Variants in C1orf167 observed in about 807,000 individuals in gnomAD.
The protein encoded by C1orf167 is chromosome 1 open reading frame 167.
Under a neutral mutation model 176.5 loss-of-function variants are expected in C1orf167, and 153 were observed. That is an observed-to-expected ratio of 0.87 (90% CI 0.76 to 0.99). C1orf167 has a LOEUF of 0.99. Ranked by LOEUF, C1orf167 falls within the 50% of genes least tolerant of loss-of-function variation. The pLI, the probability that C1orf167 is intolerant of heterozygous loss-of-function variation, is 0.00. For missense variants in C1orf167, 1,490 were observed against 1,817.7 expected (o/e 0.82, Z 3.28); for synonymous variants, 594 against 752.7 (o/e 0.79, Z 3.45).
chr1:11,786,641 A>G (rs1193240003), intron 16 of C1orf167: 1 of 144,736 alleles, frequency 6.9e-6, no homozygotes, highest in African/African-American at 2.6e-5. Context: ...GGATCTCACT[A>G]TGTTGCCAGG....
chr1:11,784,522 G>A lies in C1orf167; in HGVS notation c.3354G>A (p.Trp1118Ter). 7.7e-7 allele frequency: 1 copy of A among 1,301,350 alleles called. No homozygotes were observed. 80.6% of individuals were successfully genotyped at this position (1,301,350 alleles called of 1,614,324 possible). ...CAGCCCAGTGCTGGACTTGGTGCTG[G>A]GCTCTGTGGGTGCATGAGTCCTGTC... ...AQAAQCWTWC[W>*]ALWVHESCRG... Residue 1118 changes from tryptophan to a stop codon, truncating the protein, a stop_gained, in exon 15 of 21, where the codon TGG (tryptophan) becomes TGA (stop). Coordinates refer to ENST00000688073, the MANE Select transcript of C1orf167 (RefSeq NM_001010881.2). LOFTEE classifies it high-confidence loss of function.
At chr1:11,769,998 G>C (rs563883726) in intron 6 of C1orf167, among the ~76,000 whole-genome samples, 27 of 152,168 alleles carry the variant, frequency 1.8e-4, no homozygotes, top group African/African-American at 6.3e-4. Flanking sequence ...AATCATAGCA[G>C]TAATGCATGC....
chr1:11,769,859 G>C (rs1033894268), intron 6 of C1orf167, among the ~76,000 whole-genome samples: 9 of 151,964 alleles, frequency 5.9e-5, no homozygotes, highest in Admixed American at 5.2e-4. Context: ...TTTTAGTAGA[G>C]ACGGGGTTTC....
Position 11,764,404 on chromosome 1 carries a change from G to C in C1orf167, c.4G>C (p.Glu2Gln). 1 of 1,289,410 alleles carries C rather than the reference G, an allele frequency of 7.8e-7. No individual in the cohort carries two copies. Among genetic ancestry groups the C allele is most frequent in the Non-Finnish European group, 1.0e-6 (1 of 988,868 alleles). The allele number at this position is 1,289,410 out of a possible 1,614,324, so 79.9% of individuals were successfully genotyped here. A position where few individuals can be genotyped will look rare whatever the true frequency, so the allele number is the denominator to read the frequency against. M[E>Q]LRSDASHKEN... ...GGATACTCCTGTCCCTGAGCCCATG[G>C]AGCTAAGGTCTGATGCCAGCCACAA... Residue 2 changes from glutamate (E) to glutamine (Q), a missense_variant, in exon 2 of 21, where the codon GAG becomes CAG. Transcript: ENST00000688073.
intron 19 of C1orf167, 111 bp from the exon 20 acceptor site, chr1:11,788,541 G>T: frequency 8.8e-7 from 1 of 1,131,486 alleles, no homozygotes. Flanking sequence ...ACACCCCCTT[G>T]CCATAGCCCT....
chr1:11,787,416 A>G lies in C1orf167; in HGVS notation c.3596A>G (p.Glu1199Gly). 7.7e-7 allele frequency: 1 copy of G among 1,302,798 alleles called. No homozygotes were observed. The highest frequency in any genetic ancestry group is 1.0e-6 in the Non-Finnish European group (1 of 988,374). The allele number at this position is 1,302,798 out of a possible 1,614,324, so 80.7% of individuals were successfully genotyped here. A position where few individuals can be genotyped will look rare whatever the true frequency, so the allele number is the denominator to read the frequency against. ...CGCAGCTGCTGGACACAGGCCACAG[A>G]GCTGGTGCCTCCCGCGCCATCACTG... ...KTRSCWTQAT[E>G]LVPPAPSLQC... Residue 1199 changes from glutamate (E) to glycine (G), a missense_variant, in exon 17 of 21, where the codon GAG becomes GGG. By Grantham distance (98) the Glu-to-Gly change is moderately conservative. Transcript: ENST00000688073.
intron 1 of C1orf167, among the ~76,000 whole-genome samples, chr1:11,763,617 T>G (rs574575717): frequency 5.3e-5 from 8 of 152,346 alleles, no homozygotes; most frequent in Admixed American, 5.2e-4. Flanking sequence ...GCCTACAGCC[T>G]TGAAGGCTCA....
At position 11,766,124 on chromosome 1, in the gene C1orf167, G is replaced by A; in HGVS notation, c.338G>A (p.Gly113Glu). The A allele has an allele frequency of 1.6e-6, 2 of 1,289,846 alleles. No individual in the cohort carries two copies. The highest frequency in any genetic ancestry group is 2.0e-6 in the Non-Finnish European group (2 of 988,872). The allele number at this position is 1,289,846 out of a possible 1,614,324, so 79.9% of individuals were successfully genotyped here. ...CAGTCCCTGGCCAGGAGGCGCCAAG[G>A]GAAGGCCCGAGAGTTTGCCATCCAG... Reference protein sequence around the residue: ...NLQSLARRRQGKAREFAIQQS... With the variant: ...NLQSLARRRQEKAREFAIQQS... Residue 113 changes from glycine to glutamate, a missense_variant, in exon 3 of 21, where the codon GGG becomes GAG. Transcript: ENST00000688073. The surrounding 1 kb of genome is among the most constrained non-coding windows in gnomAD (Gnocchi z 4.5).
intron 13 of C1orf167, among the ~76,000 whole-genome samples, chr1:11,780,314 C>G (rs1643534718): frequency 6.6e-6 from 1 of 152,230 alleles, no homozygotes; most frequent in Admixed American, 6.5e-5. Context: ...GGCTGACCAA[C>G]TCTTACACAT....
chr1:11,765,921 C>T lies in C1orf167; in HGVS notation c.135C>T (p.Pro45=), dbSNP rs752392886. 5.7e-6 allele frequency: 7 copies of T among 1,235,906 alleles called. No homozygotes were observed. Among genetic ancestry groups the T allele is most frequent in the East Asian group, 5.7e-5 (1 of 17,590 alleles). The allele number at this position is 1,235,906 out of a possible 1,614,324, so 76.6% of individuals were successfully genotyped here. A position where few individuals can be genotyped will look rare whatever the true frequency, so the allele number is the denominator to read the frequency against. The change falls in exon 3 of 21, where the codon CCC becomes CCT. Residue 45 remains proline, a synonymous_variant. Coordinates refer to ENST00000688073, the MANE Select transcript of C1orf167 (RefSeq NM_001010881.2). ...GTGGTAGACATGACCAGTGGGTGCC[C>T]GGGTGCCAGGTGGAGAGGGGAGGGC... ...GLSGRHDQWV[P]GCQVERGGPA...
chr1:11,767,139 GGGCAGGGAGGCTT>G, intron 3 of C1orf167, 54 bp downstream of exon 3: 1 of 1,280,396 alleles, frequency 7.8e-7, no homozygotes, highest in Admixed American at 2.3e-5. Flanking sequence ...TGTTGCTCCA[GGGCAGGGAGGCTT>G]GGCAGGGGGT....
Position 11,788,733 on chromosome 1 carries a change from C to A in C1orf167, c.4160C>A (p.Ala1387Glu). The A allele has an allele frequency of 7.7e-7, 1 of 1,304,218 alleles. No individual in the cohort carries two copies. The highest frequency in any genetic ancestry group is 1.0e-6 in the Non-Finnish European group (1 of 988,940). The allele number at this position is 1,304,218 out of a possible 1,614,324, so 80.8% of individuals were successfully genotyped here. A position where few individuals can be genotyped will look rare whatever the true frequency, so the allele number is the denominator to read the frequency against. The change falls in exon 20 of 21, where the codon GCA (alanine) becomes GAA (glutamate). Residue 1387 changes from alanine to glutamate, a missense_variant. Physicochemically the swap from Ala to Glu is moderately radical, Grantham distance 107. Transcript: ENST00000688073. ...ACTGCGAGTGGCTCAGCAGTTACAG[C>A]AGCAGGAAGATGGGTGGGTCCTTTC... ...PATASGSAVT[A>E]AGRWAFKKWH... is the part of the protein sequence containing the mutation.
chr1:11,777,659 A>C (rs1170655949), intron 10 of C1orf167: 1 of 141,776 alleles, frequency 7.1e-6, no homozygotes, highest in South Asian at 2.2e-4. Context: ...AAAAAAAAAA[A>C]GGAATTCTGT....
chr1:11,764,006 A>G (rs1642659760), intron 1 of C1orf167, among the ~76,000 whole-genome samples: 1 of 152,160 alleles, frequency 6.6e-6, no homozygotes, highest in Non-Finnish European at 1.5e-5. Flanking sequence ...TCAGTTTTGG[A>G]CATATTAATG....
At chr1:11,782,933 AAAAG>A (rs1176958645) in intron 14 of C1orf167, among the ~76,000 whole-genome samples, 3 of 150,142 alleles carry the variant, frequency 2.0e-5, no homozygotes, top group South Asian at 2.2e-4. Flanking sequence ...AAAAAAAAAA[AAAAG>A]GAGGAGAAAT....
chr1:11,789,168 TG>T, intron 20 of C1orf167, 101 bp from the exon 21 acceptor site: 1 of 1,140,808 alleles, frequency 8.8e-7, no homozygotes, highest in Non-Finnish European at 1.1e-6. Context: ...GGAGGGGCCC[TG>T]GGGACAAAAG....
intron 6 of C1orf167, among the ~76,000 whole-genome samples, chr1:11,770,945 C>T (rs2100284583): frequency 6.8e-6 from 1 of 146,644 alleles, no homozygotes; most frequent in South Asian, 2.2e-4. Flanking sequence ...GCTGGGACTA[C>T]AAGTGTGTGC....
At position 11,778,973 on chromosome 1, in the gene C1orf167, GTGGGCAGC is replaced by G. The variant is rs1643463689; in HGVS notation, c.2553_2560del (p.Gly852AlafsTer106). 2.3e-6 allele frequency: 3 copies of G among 1,303,740 alleles called. No individual in the cohort carries two copies. Among genetic ancestry groups the G allele is most frequent in the African/African-American group, 3.0e-5 (2 of 65,860 alleles). The allele number at this position is 1,303,740 out of a possible 1,614,324, so 80.8% of individuals were successfully genotyped here. On this transcript the variant is annotated frameshift_variant, in exon 12 of 21. Transcript: ENST00000688073. LOFTEE classifies it high-confidence loss of function. ...CGGACACTCTCCAGGGGAGCCTTCT[GTGGGCAGC>G]TGGGCAGCGGCAGCAGGGGCAGTGC...
At chr1:11,779,761 GGGACAGT>G (rs1557737162) in intron 12 of C1orf167, 34 bp from the exon 13 acceptor site, 2 of 1,264,640 alleles carry the variant, frequency 1.6e-6, no homozygotes, top group African/African-American at 3.1e-5. Context: ...TGGGATTTGG[GGGACAGT>G]GGCCATCCTC....
Sources: allele counts gnomAD v4.1 joint callset (sites outside exome capture counted in the v4.1 genomes callset), GRCh38; gene constraint gnomAD v4.1.1; non-coding constraint Gnocchi (gnomAD v3.1); transcripts MANE v1.5; gene names NCBI Gene and HGNC (gene_info 2026-07-23, HGNC 2026-07-21).